Variants in ROR2 observed in about 807,000 individuals in gnomAD.
ROR2 encodes ROR family WNT receptor 2, also known as tyrosine-protein kinase transmembrane receptor ROR2.
A neutral mutation model predicts 74.9 loss-of-function variants in ROR2; 33 were observed. That is an observed-to-expected ratio of 0.44 (90% CI 0.33 to 0.59). The LOEUF is 0.59. Among genes scored for constraint, ROR2 ranks in the 20% least tolerant of loss-of-function variants. ROR2 has a pLI of 0.02. For synonymous variants in ROR2, 586 were observed against 558.7 expected (o/e 1.05, Z -0.69); for missense variants, 1,216 against 1,313.8 (o/e 0.93, Z 1.15).
chr9:91,796,967 CA>C (rs1827201520), intron 1 of ROR2, among the ~76,000 whole-genome samples: 1 of 76,338 alleles, frequency 1.3e-5, no homozygotes, highest in South Asian at 7.1e-4. Context: ...ATAGGGCTGA[CA>C]CCCTGGGCTC....
chr9:91,808,280 T>C (rs979211692), intron 1 of ROR2, among the ~76,000 whole-genome samples: 2 of 152,178 alleles, frequency 1.3e-5, no homozygotes, highest in Admixed American at 6.5e-5. Flanking sequence ...GCACTTTGAA[T>C]GTGGTTGATG....
At chr9:91,945,164 A>G (rs1056784015) in intron 1 of ROR2, among the ~76,000 whole-genome samples, 6 of 152,166 alleles carry the variant, frequency 3.9e-5, no homozygotes, top group Non-Finnish European at 8.8e-5. Flanking sequence ...ACATTTTTGC[A>G]TAGCAATTTG....
chr9:91,907,008 T>C (rs1415732791), intron 1 of ROR2, among the ~76,000 whole-genome samples: 2 of 152,176 alleles, frequency 1.3e-5, no homozygotes, highest in African/African-American at 2.4e-5. Flanking sequence ...CAGCACACTT[T>C]ACATCTTGCA....
chr9:91,831,733 TGAACCCAGGAGGCG>T (rs1380387398), intron 1 of ROR2, among the ~76,000 whole-genome samples: 1 of 152,074 alleles, frequency 6.6e-6, no homozygotes, highest in Non-Finnish European at 1.5e-5. Context: ...GAGAATCGCT[TGAACCCAGGAGGCG>T]GAGCTTGCAG....
At chr9:91,922,801 C>T (rs888423895) in intron 1 of ROR2, among the ~76,000 whole-genome samples, 2 of 152,008 alleles carry the variant, frequency 1.3e-5, no homozygotes, top group South Asian at 2.1e-4. Flanking sequence ...CAAAACCTGT[C>T]GACTCCTCAG....
At chr9:91,851,329 G>C (rs1829082358) in intron 1 of ROR2, among the ~76,000 whole-genome samples, 2 of 149,590 alleles carry the variant, frequency 1.3e-5, no homozygotes, top group African/African-American at 5.0e-5. Context: ...ACTCCACCCT[G>C]GGCGACAGAG....
intron 1 of ROR2, among the ~76,000 whole-genome samples, chr9:91,887,788 C>CTTTTTTTTTTTTT (rs771557997): frequency 3.7e-4 from 37 of 100,674 alleles, no homozygotes; most frequent in African/African-American, 7.8e-4. Context: ...CTTTTTTTCT[C>CTTTTTTTTTTTTT]TTTTTTTTTT....
intron 1 of ROR2, among the ~76,000 whole-genome samples, chr9:91,846,606 A>G (rs565508822): frequency 4.6e-5 from 7 of 152,314 alleles, no homozygotes; most frequent in Non-Finnish European, 1.0e-4. Flanking sequence ...AGGAAATCTC[A>G]GGAGAAACCT....
At chr9:91,825,877 G>C (rs1160382008) in intron 1 of ROR2, among the ~76,000 whole-genome samples, 1 of 152,216 alleles carries the variant, frequency 6.6e-6, no homozygotes, top group Non-Finnish European at 1.5e-5. Context: ...TCTGAGGCAA[G>C]AGAAAGAAAG....
At chr9:91,909,838 G>GTTATTTTTTTTTTTTTTTTTTTTTTTTTT (rs1830909954) in intron 1 of ROR2, among the ~76,000 whole-genome samples, 3 of 63,198 alleles carry the variant, frequency 4.7e-5, no homozygotes, top group African/African-American at 1.9e-4. Flanking sequence ...TTTTTTTTAG[G>GTTATTTTTTTTTTTTTTTTTTTTTTTTTT]TTTGTTTTGT....
intron 1 of ROR2, among the ~76,000 whole-genome samples, chr9:91,908,940 A>G (rs958980968): frequency 1.3e-5 from 2 of 152,122 alleles, no homozygotes; most frequent in Non-Finnish European, 2.9e-5. Flanking sequence ...CATCACCCCA[A>G]ATTAGTACAT....
intron 1 of ROR2, among the ~76,000 whole-genome samples, chr9:91,911,392 G>C (rs1830975204): frequency 6.6e-6 from 1 of 152,190 alleles, no homozygotes; most frequent in Non-Finnish European, 1.5e-5. Context: ...TGTAGGCATT[G>C]CAACACTGTG....
intron 1 of ROR2, among the ~76,000 whole-genome samples, chr9:91,939,175 G>A (rs1415986472): frequency 3.3e-5 from 5 of 151,970 alleles, no homozygotes; most frequent in South Asian, 2.1e-4. Flanking sequence ...GCCTGAACCC[G>A]GAAGGCAGAG....
chr9:91,809,447 T>C (rs1827674054), intron 1 of ROR2, among the ~76,000 whole-genome samples: 1 of 152,234 alleles, frequency 6.6e-6, no homozygotes, highest in Admixed American at 6.5e-5. Context: ...GCCACATTCA[T>C]TTTCACAGCC....
intron 4 of ROR2, among the ~76,000 whole-genome samples, chr9:91,740,576 G>GTGTATA (rs1825199951): frequency 6.8e-6 from 1 of 147,042 alleles, no homozygotes; most frequent in African/African-American, 2.6e-5. Context: ...ATATATATAT[G>GTGTATA]TATATATATA....
chr9:91,905,607 A>G lies in ROR2; in HGVS notation c.97+44260T>C, dbSNP rs1365015141. 6.6e-6 allele frequency among the ~76,000 whole-genome samples: 1 copy of G among 151,906 alleles called. No individual in the cohort carries two copies. The highest frequency in any genetic ancestry group is 2.4e-5 in the African/African-American group (1 of 41,334). On this transcript the variant is annotated intron_variant, in intron 1 of 8. Transcript: ENST00000375708. The surrounding 1 kb of genome is among the most constrained non-coding windows in gnomAD (Gnocchi z 5.3). ...ACAAACATCACACATGCCACACACA[A>G]CACATATACAGATGCCCCCAACACA... is the stretch of plus-strand genomic sequence containing the variant.
intron 1 of ROR2, among the ~76,000 whole-genome samples, chr9:91,942,710 C>T (rs1831907863): frequency 1.3e-5 from 2 of 152,038 alleles, no homozygotes; most frequent in African/African-American, 2.4e-5. Flanking sequence ...TACAGTGGTC[C>T]CTAAATCCAA....
chr9:91,723,656 T>A lies in ROR2; in HGVS notation c.*6A>T. The A allele has an allele frequency of 6.2e-7, 1 of 1,612,944 alleles. No individual in the cohort carries two copies. The highest frequency in any genetic ancestry group is 8.5e-7 in the Non-Finnish European group (1 of 1,179,724). On this transcript the variant is annotated 3_prime_UTR_variant, in exon 9 of 9. Coordinates refer to ENST00000375708, the MANE Select transcript of ROR2 (RefSeq NM_004560.4). Reference sequence around the variant, plus strand: ...TCTATCCCCGAACCCCGGGCCCTGGTGCCACTCAAGCTTCCAGCTGGACTT... The same window carrying A: ...TCTATCCCCGAACCCCGGGCCCTGGAGCCACTCAAGCTTCCAGCTGGACTT...
intron 2 of ROR2, among the ~76,000 whole-genome samples, chr9:91,759,900 T>C (rs1252363995): frequency 1.3e-5 from 2 of 152,178 alleles, no homozygotes; most frequent in Non-Finnish European, 2.9e-5. Context: ...GATGGGGCCA[T>C]CATTAGGTAA....
Sources: allele counts gnomAD v4.1 joint callset (sites outside exome capture counted in the v4.1 genomes callset), GRCh38; gene constraint gnomAD v4.1.1; non-coding constraint Gnocchi (gnomAD v3.1); transcripts MANE v1.5; gene names NCBI Gene and HGNC (gene_info 2026-07-23, HGNC 2026-07-21).